Variants in WDR41 observed in about 807,000 individuals in gnomAD.
WDR41 encodes the protein WD repeat domain 41.
Under a neutral mutation model 69.3 loss-of-function variants are expected in WDR41, and 63 were observed. The observed-to-expected ratio is 0.91, with a 90% CI of 0.74 to 1.12. The LOEUF (loss-of-function observed/expected upper bound fraction) is 1.12. WDR41 is among the 50% of genes most tolerant of loss of function. WDR41 has a pLI of 0.00. For synonymous variants in WDR41, 185 were observed against 192.1 expected (o/e 0.96, Z 0.31); for missense variants, 543 against 534.5 (o/e 1.02, Z -0.16).
chr5:77,480,239 G>C (rs1414321614), intron 2 of WDR41: 6 of 152,112 alleles, frequency 3.9e-5, no homozygotes, highest in East Asian at 1.9e-4. Context: ...CTGTAAACTA[G>C]TTCAACCATT....
At chr5:77,596,771 C>A (rs542258468) in intron 1 of WDR41, among the ~76,000 whole-genome samples, 1 of 152,102 alleles carries the variant, frequency 6.6e-6, no homozygotes, top group Non-Finnish European at 1.5e-5. Flanking sequence ...TGCACCATCA[C>A]GGCAAATGTC....
At chr5:77,512,745 CAAAAA>C (rs71606301) in intron 1 of WDR41, among the ~76,000 whole-genome samples, 4 of 74,084 alleles carry the variant, frequency 5.4e-5, no homozygotes, top group Non-Finnish European at 1.1e-4. Context: ...GACTCCATCT[CAAAAA>C]AAAAAAAAAA....
intron 11 of WDR41, among the ~76,000 whole-genome samples, 178 bp from the exon 12 acceptor site, chr5:77,436,572 A>C (rs941441788): frequency 1.9e-4 from 29 of 152,200 alleles, no homozygotes; most frequent in African/African-American, 7.0e-4. Flanking sequence ...TTCTTAGCTA[A>C]CCAGGTCTGT....
At chr5:77,524,818 G>A (rs538242344) in intron 1 of WDR41, among the ~76,000 whole-genome samples, 3 of 152,344 alleles carry the variant, frequency 2.0e-5, no homozygotes, top group Non-Finnish European at 4.4e-5. Flanking sequence ...TTGAGGTGGA[G>A]AGGACAGTCT....
chr5:77,618,619 T>C (rs1469063177), intron 1 of WDR41, among the ~76,000 whole-genome samples: 2 of 152,166 alleles, frequency 1.3e-5, no homozygotes, highest in Non-Finnish European at 2.9e-5. Flanking sequence ...GTGATCCACC[T>C]GCCTCGGCCT....
intron 2 of WDR41, among the ~76,000 whole-genome samples, chr5:77,485,988 CA>C (rs1176308902): frequency 1.3e-5 from 2 of 151,474 alleles, no homozygotes; most frequent in African/African-American, 4.8e-5. Context: ...AACTAAGAAA[CA>C]AAAAAAGGAT....
At chr5:77,453,174 T>A (rs1451732899) in intron 6 of WDR41, among the ~76,000 whole-genome samples, 2 of 152,206 alleles carry the variant, frequency 1.3e-5, no homozygotes, top group Non-Finnish European at 2.9e-5. Context: ...CACTGAAATA[T>A]CAACAACATG....
chr5:77,503,531 A>G (rs1802053112), intron 1 of WDR41, among the ~76,000 whole-genome samples: 1 of 152,246 alleles, frequency 6.6e-6, no homozygotes, highest in African/African-American at 2.4e-5. Flanking sequence ...CAGACCTAAT[A>G]GACATCTACA....
intron 1 of WDR41, among the ~76,000 whole-genome samples, chr5:77,542,623 G>T (rs972925360): frequency 7.2e-5 from 11 of 152,100 alleles, no homozygotes; most frequent in Non-Finnish European, 1.0e-4. Context: ...GAGCATGTAA[G>T]CCAGGAGTGG....
chr5:77,504,819 C>A (rs1012468269), intron 1 of WDR41, among the ~76,000 whole-genome samples: 11 of 152,166 alleles, frequency 7.2e-5, no homozygotes, highest in African/African-American at 2.4e-4. Flanking sequence ...CGACAAAATT[C>A]AACAGCCCTT....
At chr5:77,504,990 C>T (rs1469383193) in intron 1 of WDR41, among the ~76,000 whole-genome samples, 1 of 152,180 alleles carries the variant, frequency 6.6e-6, no homozygotes, top group African/African-American at 2.4e-5. Context: ...TCTCTCACCA[C>T]TCCTATTCAA....
At chr5:77,528,710 A>G (rs1267057670) in intron 1 of WDR41, among the ~76,000 whole-genome samples, 1 of 151,750 alleles carries the variant, frequency 6.6e-6, no homozygotes, top group Non-Finnish European at 1.5e-5. Flanking sequence ...TACTACAGAA[A>G]TGCAAGGCTG....
chr5:77,604,042 C>T (rs947020461), intron 1 of WDR41, among the ~76,000 whole-genome samples: 21 of 152,164 alleles, frequency 1.4e-4, no homozygotes, highest in Admixed American at 1.0e-3. Context: ...CCCTCAAGAT[C>T]GCTTTGGCTA....
At chr5:77,582,036 T>C (rs943231503) in intron 1 of WDR41, among the ~76,000 whole-genome samples, 1 of 149,622 alleles carries the variant, frequency 6.7e-6, no homozygotes, top group Non-Finnish European at 1.5e-5. Context: ...AGAGAAAAAA[T>C]CAATGAAATC....
At chr5:77,600,792 A>G (rs1230471663) in intron 1 of WDR41, among the ~76,000 whole-genome samples, 1 of 152,134 alleles carries the variant, frequency 6.6e-6, no homozygotes, top group Non-Finnish European at 1.5e-5. Context: ...AGGCAGGAGG[A>G]TCGCTTGAAC....
intron 1 of WDR41, chr5:77,582,999 G>T: frequency 1.9e-6 from 3 of 1,600,594 alleles, no homozygotes; most frequent in Middle Eastern, 1.7e-4. Flanking sequence ...ATAACTTCCT[G>T]TGGCCCTTCA....
chr5:77,581,557 T>G (rs973149406), intron 1 of WDR41, among the ~76,000 whole-genome samples: 3 of 152,218 alleles, frequency 2.0e-5, no homozygotes, highest in African/African-American at 7.2e-5. Context: ...TATACATTCT[T>G]CTCAAGTGGA....
intron 8 of WDR41, among the ~76,000 whole-genome samples, chr5:77,449,326 A>G (rs1431104026): frequency 6.6e-6 from 1 of 152,238 alleles, no homozygotes; most frequent in Non-Finnish European, 1.5e-5. Context: ...AACCAGGATT[A>G]CAACTGGCTT....
chr5:77,453,972 C>T, intron 5 of WDR41, 44 bp from the exon 6 acceptor site: 1 of 1,469,106 alleles, frequency 6.8e-7, no homozygotes. Flanking sequence ...GAAACTTAAG[C>T]AGTCATTGTT....
Sources: gnomAD v4.1 joint callset for allele counts (sites outside exome capture counted in the v4.1 genomes callset) on GRCh38, gnomAD v4.1.1 for gene constraint, MANE v1.5 for transcripts, NCBI Gene and HGNC (gene_info 2026-07-23, HGNC 2026-07-21) for gene names.